DDAH1: variants seen among roughly 807,000 people sequenced by gnomAD.
DDAH1 encodes the protein N(G),N(G)-dimethylarginine dimethylaminohydrolase 1.
DDAH1 carries 19 observed loss-of-function variants against 28.8 expected under a neutral mutation model. That is an observed-to-expected ratio of 0.66 (90% CI 0.46 to 0.97). The LOEUF is 0.97. DDAH1 is among the 50% of genes least tolerant of loss of function. The pLI, the probability that DDAH1 is intolerant of heterozygous loss-of-function variation, is 0.00. For missense variants in DDAH1, 326 were observed against 375.9 expected, an observed-to-expected ratio of 0.87 and a Z score of 1.10; for synonymous variants, 153 against 154.4, an observed-to-expected ratio of 0.99 and a Z score of 0.07.
At chr1:85,339,002 G>A (rs560629305) in intron 4 of DDAH1, among the ~76,000 whole-genome samples, 6 of 149,490 alleles carry the variant, frequency 4.0e-5, no homozygotes, top group East Asian at 3.9e-4. Flanking sequence ...AGCTAAGATC[G>A]TGCCATTGTA....
intron 1 of DDAH1, among the ~76,000 whole-genome samples, chr1:85,403,239 A>G (rs1028783558): frequency 3.4e-5 from 2 of 58,222 alleles, no homozygotes; most frequent in African/African-American, 1.1e-4. Flanking sequence ...ATATGTGTGT[A>G]TATATACACA....
In DDAH1 at chr1:85,490,422, C is replaced by G. The variant is rs563009447; in HGVS notation, c.-7+5744G>C. On this transcript the variant is annotated intron_variant, in intron 2 of 6. Coordinates refer to the DDAH1 transcript ENST00000426972. The stretch of plus-strand genomic sequence containing the variant: ...CTCTAACACAGTATGATAGTTCTCC[C>G]ACTAATGTAATGATGAGTGGTCATT... 1.2e-4 allele frequency among the ~76,000 whole-genome samples: 19 copies of G among 152,280 alleles called. No homozygotes were observed. In the South Asian group the frequency reaches 2.5e-3, roughly 20 times the overall value.
chr1:85,505,927 C>A (rs1211875513), intron 1 of DDAH1, among the ~76,000 whole-genome samples: 1 of 152,130 alleles, frequency 6.6e-6, no homozygotes, highest in Non-Finnish European at 1.5e-5. Flanking sequence ...TCTTCTATAG[C>A]ATTACCTTTA....
At chr1:85,357,013 GTTATA>G (rs1649523385) in intron 2 of DDAH1, among the ~76,000 whole-genome samples, 1 of 152,316 alleles carries the variant, frequency 6.6e-6, no homozygotes, top group South Asian at 2.1e-4. Flanking sequence ...ATAAAAAAGA[GTTATA>G]TTGTAAGGAA....
intron 4 of DDAH1, among the ~76,000 whole-genome samples, chr1:85,325,995 T>C (rs907069125): frequency 3.9e-5 from 6 of 152,244 alleles, no homozygotes; most frequent in East Asian, 3.8e-4. Flanking sequence ...TTTTCAGTGT[T>C]TGTATGGAAA....
intron 1 of DDAH1, among the ~76,000 whole-genome samples, chr1:85,458,031 TC>T (rs1654974140): frequency 6.6e-6 from 1 of 152,168 alleles, no homozygotes; most frequent in Non-Finnish European, 1.5e-5. Flanking sequence ...TTACACATAT[TC>T]AAACAGAGGA....
chr1:85,571,937 G>A (rs1471381092), intron 1 of DDAH1, among the ~76,000 whole-genome samples: 1 of 152,048 alleles, frequency 6.6e-6, no homozygotes, highest in African/African-American at 2.4e-5. Flanking sequence ...AACATTCAAT[G>A]CTCAGGGACA....
chr1:85,508,012 T>C (rs1323048556), intron 1 of DDAH1, among the ~76,000 whole-genome samples: 1 of 152,224 alleles, frequency 6.6e-6, no homozygotes, highest in African/African-American at 2.4e-5. Context: ...GAATTTCATC[T>C]GTACCCCATC....
intron 1 of DDAH1, among the ~76,000 whole-genome samples, chr1:85,427,006 A>G (rs1570527332): frequency 6.6e-6 from 1 of 151,752 alleles, no homozygotes; most frequent in East Asian, 1.9e-4. Flanking sequence ...AAACCTCATT[A>G]TCTTAAGGAT....
At chr1:85,365,475 AAACT>A (rs1328119771) in intron 1 of DDAH1, among the ~76,000 whole-genome samples, 1 of 152,180 alleles carries the variant, frequency 6.6e-6, no homozygotes, top group Admixed American at 6.5e-5. Context: ...AAGCATACAC[AAACT>A]AAGGCTAATA....
intron 1 of DDAH1, among the ~76,000 whole-genome samples, chr1:85,463,223 A>G (rs561715350): frequency 3.1e-4 from 47 of 152,338 alleles, no homozygotes; most frequent in Non-Finnish European, 6.2e-4. Flanking sequence ...GAAAAAGATC[A>G]CTGCTCACTT....
intron 1 of DDAH1, among the ~76,000 whole-genome samples, chr1:85,368,823 A>T (rs1351174055): frequency 6.6e-6 from 1 of 152,228 alleles, no homozygotes; most frequent in Admixed American, 6.5e-5. Flanking sequence ...TAAGCACCAG[A>T]AATAGTACTC....
intron 1 of DDAH1, among the ~76,000 whole-genome samples, chr1:85,577,691 G>A (rs533214433): frequency 2.0e-5 from 3 of 152,198 alleles, no homozygotes; most frequent in Admixed American, 2.0e-4. Context: ...CCTAGGGCTA[G>A]GAAACTGGAG....
At chr1:85,523,421 CA>C (rs1657758226) in intron 1 of DDAH1, among the ~76,000 whole-genome samples, 1 of 152,106 alleles carries the variant, frequency 6.6e-6, no homozygotes. Flanking sequence ...ATATTTGAGA[CA>C]GACATTAAAG....
At chr1:85,423,090 G>A (rs57053091) in intron 1 of DDAH1, among the ~76,000 whole-genome samples, 5,412 of 152,238 alleles carry the variant, frequency 0.036, 327 homozygotes, top group African/African-American at 0.12. Flanking sequence ...ATACTTGTGT[G>A]GGTCTATTTC....
chr1:85,344,231 A>C (rs1405031893), intron 4 of DDAH1, among the ~76,000 whole-genome samples: 3 of 152,222 alleles, frequency 2.0e-5, no homozygotes, highest in African/African-American at 7.2e-5. Flanking sequence ...TTAGGTAATA[A>C]TTTATTGTGA....
chr1:85,569,958 C>T (rs1659405352), intron 1 of DDAH1, among the ~76,000 whole-genome samples: 2 of 152,192 alleles, frequency 1.3e-5, no homozygotes, highest in Non-Finnish European at 1.5e-5. Context: ...TCTCTATTCA[C>T]CACAGAATGT....
chr1:85,433,363 T>C (rs553546723), intron 1 of DDAH1, among the ~76,000 whole-genome samples: 1 of 152,288 alleles, frequency 6.6e-6, no homozygotes, highest in Admixed American at 6.5e-5. Flanking sequence ...ACATGAAATC[T>C]ACCTCTCTTC....
At chr1:85,383,562 G>A (rs1429756488) in intron 1 of DDAH1, among the ~76,000 whole-genome samples, 1 of 152,148 alleles carries the variant, frequency 6.6e-6, no homozygotes, top group Non-Finnish European at 1.5e-5. Flanking sequence ...TAGTTTGAGA[G>A]GACTACAATC....
Sources: gnomAD v4.1 joint callset for allele counts (sites outside exome capture counted in the v4.1 genomes callset) on GRCh38, gnomAD v4.1.1 for gene constraint, MANE v1.5 for transcripts, NCBI Gene and HGNC (gene_info 2026-07-23, HGNC 2026-07-21) for gene names.